LZTFL1: variants seen among roughly 807,000 people sequenced by gnomAD.
LZTFL1 encodes leucine zipper transcription factor-like protein 1.
LZTFL1 carries 25 observed loss-of-function variants against 45.9 expected under a neutral mutation model. The observed-to-expected ratio is 0.54, with a 90% CI of 0.40 to 0.76. The LOEUF is 0.76. Among genes scored for constraint, LZTFL1 ranks in the 30% least tolerant of loss-of-function variants. The pLI is 0.00. For synonymous variants in LZTFL1, 93 were observed against 117.4 expected (o/e 0.79, Z 1.35); for missense variants, 277 against 331.1 (o/e 0.84, Z 1.27).
intron 2 of LZTFL1, among the ~76,000 whole-genome samples, chr3:45,879,409 G>A (rs1400485961): frequency 6.6e-6 from 1 of 152,208 alleles, no homozygotes; most frequent in Non-Finnish European, 1.5e-5. Context: ...AAGCCCATCT[G>A]AAAAGGCTAT....
chr3:45,901,928 T>G lies in LZTFL1; in HGVS notation c.-215+11192A>C, dbSNP rs755084615. 41 of 1,522,514 alleles carry G rather than the reference T, an allele frequency of 2.7e-5. No homozygotes were observed. The South Asian group carries it at 5.0e-4, about 18-fold the overall frequency. The allele number at this position is 1,522,514 out of a possible 1,614,324, so 94.3% of individuals were successfully genotyped here. On this transcript the variant is annotated intron_variant, in intron 2 of 4. Coordinates refer to the LZTFL1 transcript ENST00000472635. The surrounding 1 kb of genome is among the most constrained non-coding windows in gnomAD (Gnocchi z 4.3). ...TCTTCTCTGAGGTGCATGGTTCTTT[T>G]GGAAGAAATGAGAAATACAGAAACA... is the stretch of plus-strand genomic sequence containing the variant.
At chr3:45,837,841 T>C (rs1701004720) in intron 2 of LZTFL1, 86 bp downstream of exon 2, 13 of 1,397,688 alleles carry the variant, frequency 9.3e-6, no homozygotes, top group African/African-American at 2.9e-5. Context: ...CCAGAAATTG[T>C]CTGGCCTCTG....
chr3:45,851,065 T>C (rs922989603), intron 4 of LZTFL1, among the ~76,000 whole-genome samples: 1 of 152,114 alleles, frequency 6.6e-6, no homozygotes, highest in Non-Finnish European at 1.5e-5. Context: ...AGGACCTGTC[T>C]GCTCCCCACA....
chr3:45,848,907 A>G (rs747846648), intron 4 of LZTFL1, among the ~76,000 whole-genome samples: 3 of 152,204 alleles, frequency 2.0e-5, no homozygotes, highest in African/African-American at 4.8e-5. Context: ...ATAGTCAAAA[A>G]TCTCCAAAAA....
intron 2 of LZTFL1, among the ~76,000 whole-genome samples, chr3:45,893,260 T>A (rs758893245): frequency 1.6e-4 from 24 of 152,004 alleles, no homozygotes; most frequent in Non-Finnish European, 2.4e-4. Context: ...GTTCAAGTGA[T>A]CCTCCTGCCT....
At chr3:45,889,771 C>T (rs1474305772) in intron 2 of LZTFL1, among the ~76,000 whole-genome samples, 1 of 151,680 alleles carries the variant, frequency 6.6e-6, no homozygotes, top group Non-Finnish European at 1.5e-5. Flanking sequence ...TCTTTTCTAT[C>T]AGCATGAGGA....
intron 2 of LZTFL1, among the ~76,000 whole-genome samples, chr3:45,883,315 G>C (rs1701896358): frequency 6.6e-6 from 1 of 152,206 alleles, no homozygotes; most frequent in Non-Finnish European, 1.5e-5. Flanking sequence ...AATAAAGCTG[G>C]ATTCTCTTTA....
intron 2 of LZTFL1, among the ~76,000 whole-genome samples, chr3:45,886,346 G>T (rs1701980391): frequency 6.6e-6 from 1 of 152,176 alleles, no homozygotes; most frequent in Non-Finnish European, 1.5e-5. Flanking sequence ...GTCTGTATGT[G>T]CGTCTTCAGA....
At chr3:45,856,449 C>G (rs1701395112) in intron 3 of LZTFL1, among the ~76,000 whole-genome samples, 1 of 152,082 alleles carries the variant, frequency 6.6e-6, no homozygotes, top group Non-Finnish European at 1.5e-5. Context: ...AAAATCTAGG[C>G]AATACCATTC....
Position 45,900,214 on chromosome 3 carries a change from C to A in LZTFL1, c.-215+12906G>T, listed in dbSNP as rs1436309987. Among the ~76,000 whole-genome samples the A allele has an allele frequency of 6.6e-6, 1 of 151,980 alleles. No individual in the cohort carries two copies. Among genetic ancestry groups the A allele is most frequent in the Non-Finnish European group, 1.5e-5 (1 of 68,006 alleles). ...ACCACGGGTCCTGCTAACTATAGAGCAGGTCATGGTGCTTGTGTGTGTATG... is the reference window on the plus strand; with the variant it reads ...ACCACGGGTCCTGCTAACTATAGAGAAGGTCATGGTGCTTGTGTGTGTATG... On this transcript the variant is annotated intron_variant, in intron 2 of 4. Coordinates refer to the LZTFL1 transcript ENST00000472635. This position sits in a 1 kb window ranked among gnomAD's most constrained non-coding sequence, Gnocchi z 4.7.
rs1700638588 is a variant in LZTFL1 at position 45,825,391 on chromosome 3, G to A, written c.*923C>T. The A allele has an allele frequency of 6.6e-6, 1 of 152,254 alleles. No homozygotes were observed. The highest frequency in any genetic ancestry group is 1.5e-5 in the Non-Finnish European group (1 of 68,136). The allele number at this position is 152,254 out of a possible 1,614,324, so 9.4% of individuals were successfully genotyped here. Reference sequence around the variant, plus strand: ...TGTCCAAAATCGTCTGAGAAAACCAGGCCAATACAAATATAGTGAAAACCT... The same window carrying A: ...TGTCCAAAATCGTCTGAGAAAACCAAGCCAATACAAATATAGTGAAAACCT... On this transcript the variant is annotated 3_prime_UTR_variant, in exon 10 of 10. Coordinates refer to ENST00000296135, the MANE Select transcript of LZTFL1 (RefSeq NM_020347.4).
At chr3:45,907,929 G>C (rs1702713013) in intron 2 of LZTFL1, among the ~76,000 whole-genome samples, 1 of 152,226 alleles carries the variant, frequency 6.6e-6, no homozygotes, top group Non-Finnish European at 1.5e-5. Context: ...TTTGAGGCCA[G>C]AAAGAGCTAC....
At chr3:45,857,010 C>T (rs575233658) in intron 3 of LZTFL1, among the ~76,000 whole-genome samples, 356 of 152,238 alleles carry the variant, frequency 2.3e-3, no homozygotes, top group Admixed American at 6.2e-3. Flanking sequence ...CCCAGCAATC[C>T]CACTACTGGG....
intron 2 of LZTFL1, among the ~76,000 whole-genome samples, chr3:45,873,740 C>T (rs1269262907): frequency 6.6e-6 from 1 of 152,126 alleles, no homozygotes; most frequent in Non-Finnish European, 1.5e-5. Context: ...CAAACTAAAC[C>T]AAACCAAACC....
At chr3:45,838,078 G>T in intron 1 of LZTFL1, 27 bp from the exon 2 acceptor site, 1 of 1,576,260 alleles carries the variant, frequency 6.3e-7, no homozygotes. Context: ...TAATTTAATT[G>T]TTAGTTTTGA....
chr3:45,844,806 C>G (rs1701192233), upstream of LZTFL1, among the ~76,000 whole-genome samples: 1 of 152,158 alleles, frequency 6.6e-6, no homozygotes, highest in Non-Finnish European at 1.5e-5. Flanking sequence ...CCCTAGTGAC[C>G]AGCAGGGTAT....
Position 45,900,800 on chromosome 3 carries a change from C to A in LZTFL1, c.-215+12320G>T. ...TCCTTGACCTAATGCCATCTTGTGT[C>A]CCCTTGCAGAGCCCTATTCCTAACA... On this transcript the variant is annotated intron_variant, in intron 2 of 4. Transcript: ENST00000472635. This position sits in a 1 kb window ranked among gnomAD's most constrained non-coding sequence, Gnocchi z 4.7. 2 of 1,600,408 alleles carry A rather than the reference C, an allele frequency of 1.2e-6. No individual in the cohort carries two copies. Among genetic ancestry groups the A allele is most frequent in the South Asian group, 2.2e-5 (2 of 89,306 alleles).
At position 45,876,062 on chromosome 3, in the gene LZTFL1, C is replaced by T. The variant is rs578246983; in HGVS notation, c.-214-17046G>A. 9.9e-5 allele frequency among the ~76,000 whole-genome samples: 15 copies of T among 152,278 alleles called. No homozygotes were observed. The South Asian group carries it at 1.2e-3, about 13-fold the overall frequency. ...TGCAAACTCTCTTATCAACTTATTACGGGATTTGAATAAGATAAAGTTCGT... is the reference window on the plus strand; with the variant it reads ...TGCAAACTCTCTTATCAACTTATTATGGGATTTGAATAAGATAAAGTTCGT... On this transcript the variant is annotated intron_variant, in intron 2 of 4. Transcript: ENST00000472635.
chr3:45,880,286 G>A (rs1190383880), intron 2 of LZTFL1, among the ~76,000 whole-genome samples: 4 of 152,114 alleles, frequency 2.6e-5, no homozygotes, highest in Admixed American at 2.0e-4. Context: ...GGCGGATCAC[G>A]AGGTCAGGAG....
Sources: allele counts gnomAD v4.1 joint callset (sites outside exome capture counted in the v4.1 genomes callset), GRCh38; gene constraint gnomAD v4.1.1; non-coding constraint Gnocchi (gnomAD v3.1); transcripts MANE v1.5; gene names NCBI Gene and HGNC (gene_info 2026-07-23, HGNC 2026-07-21).